Variants in CDYL observed in about 807,000 individuals in gnomAD.
The protein encoded by CDYL is chromodomain Y like, also known as chromodomain Y-like protein.
Under a neutral mutation model 47.3 loss-of-function variants are expected in CDYL, and 8 were observed. The observed-to-expected ratio is 0.17, with a 90% confidence interval of 0.10 to 0.31. The LOEUF is 0.31. CDYL is among the 10% of genes least tolerant of loss of function. CDYL has a pLI of 1.00. For missense variants in CDYL, 471 were observed against 701.4 expected, an observed-to-expected ratio of 0.67 and a Z score of 3.71; for synonymous variants, 266 against 265.0, an observed-to-expected ratio of 1.00 and a Z score of -0.04.
intron 1 of CDYL, chr6:4,889,945 G>A (rs1761996413): frequency 2.0e-6 from 2 of 984,914 alleles, no homozygotes; most frequent in Non-Finnish European, 2.4e-6. Context: ...GGGCCTGGCA[G>A]CAGCAGGTCC....
At chr6:4,930,919 C>T (rs1350787149) in intron 2 of CDYL, among the ~76,000 whole-genome samples, 1 of 152,238 alleles carries the variant, frequency 6.6e-6, no homozygotes, top group Non-Finnish European at 1.5e-5. Flanking sequence ...TGAGAGTCAT[C>T]GTTCCAGGGG....
At chr6:4,840,977 A>G (rs960911235) in intron 1 of CDYL, among the ~76,000 whole-genome samples, 3 of 152,118 alleles carry the variant, frequency 2.0e-5, no homozygotes, top group African/African-American at 4.8e-5. Flanking sequence ...AATAGTGTCA[A>G]TAGGATTGGT....
At chr6:4,882,985 A>G (rs1761803628) in intron 1 of CDYL, among the ~76,000 whole-genome samples, 1 of 152,146 alleles carries the variant, frequency 6.6e-6, no homozygotes, top group South Asian at 2.1e-4. Context: ...GTGATAACCC[A>G]TGAGATGTTA....
At position 4,881,989 on chromosome 6, in the gene CDYL, T is replaced by C. The variant is rs562667870; in HGVS notation, c.25-9724T>C. Among the ~76,000 whole-genome samples the C allele has an allele frequency of 1.3e-3, 192 of 152,338 alleles. No homozygotes were observed. The South Asian group carries it at 0.018, about 14-fold the overall frequency. ...CTGCCAGAGGCTGGAGCAGGCATGC[T>C]CACTATCCATCATAAAAGTTTGCCT... is the stretch of plus-strand genomic sequence containing the variant. On this transcript the variant is annotated intron_variant, in intron 1 of 6. Transcript: ENST00000397588.
At chr6:4,853,486 C>T (rs1277913693) in intron 1 of CDYL, among the ~76,000 whole-genome samples, 1 of 152,092 alleles carries the variant, frequency 6.6e-6, no homozygotes, top group South Asian at 2.1e-4. Flanking sequence ...TCCTTCTCTT[C>T]CTCCTTCTCC....
chr6:4,910,121 C>T (rs1189286084), intron 2 of CDYL, among the ~76,000 whole-genome samples: 4 of 152,080 alleles, frequency 2.6e-5, no homozygotes, highest in African/African-American at 9.7e-5. Flanking sequence ...CCGATTTTCC[C>T]CCTCCATCTA....
At chr6:4,799,446 T>G (rs889065727) in intron 1 of CDYL, among the ~76,000 whole-genome samples, 5 of 152,154 alleles carry the variant, frequency 3.3e-5, no homozygotes, top group Admixed American at 3.3e-4. Context: ...GTCTCCCATT[T>G]TTTTTTTATT....
chr6:4,900,238 ACAT>A (rs1314916592), intron 2 of CDYL, among the ~76,000 whole-genome samples: 2 of 152,246 alleles, frequency 1.3e-5, no homozygotes, highest in East Asian at 1.9e-4. Context: ...TTTTTATTTA[ACAT>A]CATGTCTTGG....
rs1491395482 is a variant in CDYL at position 4,717,740 on chromosome 6, A to AAAAAAT, written c.103+1859_103+1860insAAAAAT. ...AAAAAAAAAAAAAAAAAAAAAAAAA[A>AAAAAAT]TTAAAAATTGAAAGGGATTTTTGTT... On this transcript the variant is annotated intron_variant, in intron 2 of 8. Transcript: ENST00000328908. Among the ~76,000 whole-genome samples, 20 of 118,824 alleles carry AAAAAAT rather than the reference A, an allele frequency of 1.7e-4. 3 individuals are homozygous for AAAAAAT. Among genetic ancestry groups the AAAAAAT allele is most frequent in the African/African-American group, 6.3e-4 (19 of 30,052 alleles). 78.0% of individuals were successfully genotyped at this position (118,824 alleles called of 152,430 possible).
In CDYL at chr6:4,935,528, C is replaced by T. The variant is rs770647906; in HGVS notation, c.705C>T (p.Phe235=). The T allele has an allele frequency of 1.2e-6, 2 of 1,614,052 alleles. No homozygotes were observed. Among genetic ancestry groups the T allele is most frequent in the African/African-American group, 2.7e-5 (2 of 74,930 alleles). The change falls in exon 3 of 7, where the codon TTC becomes TTT. Residue 235 remains phenylalanine (F), a synonymous_variant. Transcript: ENST00000397588. ...AACTCTCGGCAGGTACATCTCCGTT[C>T]ATGGATGCATTAACAGCCAATGGGA... The part of the protein sequence containing the change: ...LAVNGKGTSP[F]MDALTANGTT...
chr6:4,820,158 G>T (rs1194268066), intron 1 of CDYL, among the ~76,000 whole-genome samples: 3 of 152,216 alleles, frequency 2.0e-5, no homozygotes, highest in Admixed American at 2.0e-4. Flanking sequence ...TGCCAGCACA[G>T]AGAGCTAGAT....
intron 1 of CDYL, among the ~76,000 whole-genome samples, chr6:4,868,047 G>A (rs1207826576): frequency 6.6e-6 from 1 of 151,678 alleles, no homozygotes; most frequent in Non-Finnish European, 1.5e-5. Flanking sequence ...CAGTTTTGTT[G>A]AACCTTTCAC....
At chr6:4,758,384 A>G (rs1462938631) in intron 3 of CDYL, among the ~76,000 whole-genome samples, 1 of 133,574 alleles carries the variant, frequency 7.5e-6, no homozygotes, top group Non-Finnish European at 1.6e-5. Flanking sequence ...CTTTGTGGCC[A>G]GCACGGTGGC....
At chr6:4,874,956 G>A (rs1761579166) in intron 1 of CDYL, among the ~76,000 whole-genome samples, 1 of 152,154 alleles carries the variant, frequency 6.6e-6, no homozygotes. Flanking sequence ...GTGGGTACCT[G>A]GGCTGATTCC....
intron 3 of CDYL, among the ~76,000 whole-genome samples, chr6:4,758,967 TC>T (rs1379376809): frequency 2.9e-4 from 43 of 147,982 alleles, no homozygotes; most frequent in African/African-American, 1.1e-3. Flanking sequence ...GTTTTCTTTT[TC>T]TTTTTTTTTT....
At chr6:4,729,937 A>G (rs1401719832) in intron 2 of CDYL, among the ~76,000 whole-genome samples, 1 of 152,210 alleles carries the variant, frequency 6.6e-6, no homozygotes, top group Non-Finnish European at 1.5e-5. Context: ...GGTAGAGACA[A>G]TAGTACAGGT....
At chr6:4,830,824 A>G (rs7772813) in intron 1 of CDYL, among the ~76,000 whole-genome samples, 68,225 of 144,838 alleles carry the variant, frequency 0.47, 18,773 homozygotes, top group East Asian at 0.82. Context: ...TCATTGTTCA[A>G]TTCCCACCTA....
At chr6:4,707,365 T>C (rs1757065560) in intron 1 of CDYL, among the ~76,000 whole-genome samples, 1 of 152,102 alleles carries the variant, frequency 6.6e-6, no homozygotes, top group Admixed American at 6.5e-5. Context: ...GCAAACTCTG[T>C]CTCCTGGGTT....
intron 1 of CDYL, among the ~76,000 whole-genome samples, chr6:4,791,456 A>G (rs1758914273): frequency 6.6e-6 from 1 of 152,242 alleles, no homozygotes; most frequent in Non-Finnish European, 1.5e-5. Context: ...ATTTGGCACC[A>G]TAGAGCATAT....
Sources: gnomAD v4.1 joint callset for allele counts (sites outside exome capture counted in the v4.1 genomes callset) on GRCh38, gnomAD v4.1.1 for gene constraint, MANE v1.5 for transcripts, NCBI Gene and HGNC (gene_info 2026-07-23, HGNC 2026-07-21) for gene names.